FSTL5: variants seen among roughly 807,000 people sequenced by gnomAD.
FSTL5 encodes the protein follistatin-related protein 5.
A neutral mutation model predicts 89.1 loss-of-function variants in FSTL5; 62 were observed. The observed-to-expected ratio is 0.70, with a 90% CI of 0.57 to 0.86. The LOEUF (loss-of-function observed/expected upper bound fraction) is 0.86. FSTL5 is among the 40% of genes least tolerant of loss of function. FSTL5 has a pLI of 0.00. For synonymous variants in FSTL5, 383 were observed against 346.2 expected (o/e 1.11, Z -1.18); for missense variants, 1,057 against 1,001.6 (o/e 1.06, Z -0.75).
intron 15 of FSTL5, among the ~76,000 whole-genome samples, chr4:161,415,731 T>A (rs1232040228): frequency 6.8e-6 from 1 of 146,806 alleles, no homozygotes; most frequent in Non-Finnish European, 1.5e-5. Context: ...GGGAGATATA[T>A]ATATGTATGA....
chr4:161,485,294 G>A (rs949757404), intron 12 of FSTL5, among the ~76,000 whole-genome samples: 2 of 152,194 alleles, frequency 1.3e-5, no homozygotes, highest in African/African-American at 4.8e-5. Flanking sequence ...TTCCCTGGAT[G>A]TGGCTTCAGA....
chr4:161,736,759 T>G (rs1469868214), intron 6 of FSTL5, among the ~76,000 whole-genome samples: 1 of 152,064 alleles, frequency 6.6e-6, no homozygotes, highest in African/African-American at 2.4e-5. Context: ...TAAAAACAGA[T>G]TCCTCTGTAT....
intron 3 of FSTL5, among the ~76,000 whole-genome samples, chr4:161,923,262 G>C (rs1276991604): frequency 6.6e-6 from 1 of 150,574 alleles, no homozygotes; most frequent in Non-Finnish European, 1.5e-5. Context: ...ATTGTTCTTT[G>C]TGCAAATAAA....
At chr4:161,492,919 A>G (rs1729934043) in intron 12 of FSTL5, among the ~76,000 whole-genome samples, 1 of 151,998 alleles carries the variant, frequency 6.6e-6, no homozygotes, top group Non-Finnish European at 1.5e-5. Flanking sequence ...CAATACAAAC[A>G]TTTAGTAAAA....
At chr4:161,790,231 T>C (rs553284917) in intron 4 of FSTL5, among the ~76,000 whole-genome samples, 1 of 152,346 alleles carries the variant, frequency 6.6e-6, no homozygotes, top group Non-Finnish European at 1.5e-5. Flanking sequence ...CTTTTTCAAA[T>C]TGCCATGCAC....
At chr4:161,425,018 CA>C (rs1732124361) in intron 15 of FSTL5, among the ~76,000 whole-genome samples, 1 of 152,146 alleles carries the variant, frequency 6.6e-6, no homozygotes, top group Non-Finnish European at 1.5e-5. Context: ...GTGAGCTCTT[CA>C]TTACATTTTG....
chr4:161,976,619 C>G (rs1424942515), intron 3 of FSTL5, among the ~76,000 whole-genome samples: 2 of 151,968 alleles, frequency 1.3e-5, no homozygotes, highest in Non-Finnish European at 2.9e-5. Flanking sequence ...GTAGCTGGGA[C>G]TACAGGCGCC....
intron 6 of FSTL5, among the ~76,000 whole-genome samples, chr4:161,687,385 T>G (rs1737783130): frequency 6.6e-6 from 1 of 152,216 alleles, no homozygotes; most frequent in Non-Finnish European, 1.5e-5. Flanking sequence ...TTCAATATTT[T>G]TATTACCCTT....
chr4:161,498,152 T>A (rs555953945), intron 12 of FSTL5, among the ~76,000 whole-genome samples: 1 of 152,122 alleles, frequency 6.6e-6, no homozygotes, highest in South Asian at 2.1e-4. Flanking sequence ...AGAAATAATA[T>A]GTGTATACAT....
intron 3 of FSTL5, among the ~76,000 whole-genome samples, chr4:162,028,498 A>G (rs1737388215): frequency 2.0e-5 from 3 of 152,270 alleles, no homozygotes; most frequent in South Asian, 2.1e-4. Flanking sequence ...AATCACTTGA[A>G]CCCAGGAGGC....
At chr4:161,588,511 A>G (rs1011300370) in intron 7 of FSTL5, among the ~76,000 whole-genome samples, 1 of 152,198 alleles carries the variant, frequency 6.6e-6, no homozygotes. Flanking sequence ...GAAGAAAAAA[A>G]CTTGCACCGT....
At chr4:161,937,983 C>G (rs1734478854) in intron 3 of FSTL5, among the ~76,000 whole-genome samples, 1 of 152,126 alleles carries the variant, frequency 6.6e-6, no homozygotes, top group East Asian at 1.9e-4. Flanking sequence ...AACTACCACT[C>G]ATCATATAGG....
At chr4:161,716,333 C>G (rs182588795) in intron 6 of FSTL5, among the ~76,000 whole-genome samples, 187 of 152,184 alleles carry the variant, frequency 1.2e-3, no homozygotes, top group African/African-American at 4.3e-3. Flanking sequence ...CGCAGTGGCT[C>G]ACACCCTAAT....
intron 7 of FSTL5, among the ~76,000 whole-genome samples, chr4:161,652,618 G>A (rs1203582556): frequency 1.3e-5 from 2 of 151,834 alleles, no homozygotes; most frequent in Non-Finnish European, 2.9e-5. Context: ...GTATACACAC[G>A]GGATTTCTTC....
chr4:161,403,246 T>C (rs1560877471), intron 15 of FSTL5, among the ~76,000 whole-genome samples: 1 of 152,224 alleles, frequency 6.6e-6, no homozygotes, highest in Non-Finnish European at 1.5e-5. Context: ...ATTTCCTGAT[T>C]TACAAACTTC....
At chr4:161,785,053 C>A (rs1435807428) in intron 4 of FSTL5, among the ~76,000 whole-genome samples, 1 of 152,090 alleles carries the variant, frequency 6.6e-6, no homozygotes, top group Non-Finnish European at 1.5e-5. Flanking sequence ...TTTATAATGA[C>A]ACTAAGAAGT....
intron 1 of FSTL5, among the ~76,000 whole-genome samples, chr4:162,139,746 G>A (rs926608826): frequency 6.6e-6 from 1 of 152,066 alleles, no homozygotes; most frequent in Non-Finnish European, 1.5e-5. Flanking sequence ...TCCTTATAAT[G>A]TATGTAAGGA....
At chr4:161,430,175 C>T (rs1732307792) in intron 15 of FSTL5, among the ~76,000 whole-genome samples, 1 of 151,068 alleles carries the variant, frequency 6.6e-6, no homozygotes, top group Non-Finnish European at 1.5e-5. Context: ...TGAAGACAGG[C>T]TATTTGAAAA....
intron 4 of FSTL5, among the ~76,000 whole-genome samples, chr4:161,883,089 A>C (rs1266009776): frequency 6.6e-6 from 1 of 152,208 alleles, no homozygotes; most frequent in African/African-American, 2.4e-5. Context: ...TTTGGAAACC[A>C]TATAGTATTC....
Sources: allele counts gnomAD v4.1 joint callset (sites outside exome capture counted in the v4.1 genomes callset), GRCh38; gene constraint gnomAD v4.1.1; transcripts MANE v1.5; gene names NCBI Gene and HGNC (gene_info 2026-07-23, HGNC 2026-07-21).